The following ARMC8 variants were observed in gnomAD, a reference collection of about 807,000 sequenced individuals.
The protein encoded by ARMC8 is armadillo repeat containing 8.
A neutral mutation model predicts 99.3 loss-of-function variants in ARMC8; 20 were observed. That is an observed-to-expected ratio of 0.20 (90% CI 0.14 to 0.29). ARMC8 has a LOEUF of 0.29. Among genes scored for constraint, ARMC8 ranks in the 10% least tolerant of loss-of-function variants. The pLI, the probability that ARMC8 is intolerant of heterozygous loss-of-function variation, is 1.00. For missense variants in ARMC8, 569 were observed against 809.5 expected, an observed-to-expected ratio of 0.70 and a Z score of 3.60; for synonymous variants, 263 against 278.3, an observed-to-expected ratio of 0.95 and a Z score of 0.55.
intron 1 of ARMC8, among the ~76,000 whole-genome samples, chr3:138,192,036 G>A (rs1383352198): frequency 1.3e-5 from 2 of 152,136 alleles, no homozygotes; most frequent in African/African-American, 4.8e-5. Flanking sequence ...GGATCAGATG[G>A]TAAATGCATG....
chr3:138,214,268 A>G lies in ARMC8; in HGVS notation c.122+4375A>G, dbSNP rs2044878103. On this transcript the variant is annotated intron_variant, in intron 2 of 21. Coordinates refer to ENST00000469044, the MANE Select transcript of ARMC8 (RefSeq NM_001363941.2). ...CCAACGTAGCTAGCTTTGTAGTTTC[A>G]GAGTTTAATAGAATTAGAAAGCTTG... 2.0e-5 allele frequency among the ~76,000 whole-genome samples: 3 copies of G among 152,042 alleles called. No individual in the cohort carries two copies. In the South Asian group the frequency reaches 6.2e-4, roughly 32 times the overall value.
chr3:138,264,412 C>CTTTTTTTTTTTTT (rs11298899), intron 14 of ARMC8, among the ~76,000 whole-genome samples, 200 bp downstream of exon 14: 4 of 48,642 alleles, frequency 8.2e-5, no homozygotes, highest in African/African-American at 1.5e-4. Flanking sequence ...GATTTTCTTT[C>CTTTTTTTTTTTTT]TTTTTTTTTT....
At position 138,297,478 on chromosome 3, in the gene ARMC8, CA is replaced by C. The variant is rs1214935549; in HGVS notation, c.*1587del. ...CCACTGATGGAGCTCCAAGCCCACC[CA>C]CCAGCCACTCCTGATGGGGTTGCTC... On this transcript the variant is annotated 3_prime_UTR_variant, in exon 22 of 22. Transcript: ENST00000469044. The C allele has an allele frequency of 6.6e-6, 1 of 152,244 alleles. No individual in the cohort carries two copies. Among genetic ancestry groups the C allele is most frequent in the Non-Finnish European group, 1.5e-5 (1 of 68,064 alleles). The allele number at this position is 152,244 out of a possible 1,614,324, so 9.4% of individuals were successfully genotyped here.
At chr3:138,215,149 A>T (rs2044939917) in intron 2 of ARMC8, among the ~76,000 whole-genome samples, 1 of 152,182 alleles carries the variant, frequency 6.6e-6, no homozygotes, top group South Asian at 2.1e-4. Context: ...GTTTGTATAC[A>T]TATGTCTATG....
intron 12 of ARMC8, among the ~76,000 whole-genome samples, chr3:138,262,772 C>T (rs1338311485): frequency 6.6e-6 from 1 of 152,056 alleles, no homozygotes; most frequent in African/African-American, 2.4e-5. Context: ...GTGAGAGTAA[C>T]GACTCCCATT....
At chr3:138,290,856 G>A (rs990440834) in intron 21 of ARMC8, among the ~76,000 whole-genome samples, 9 of 152,198 alleles carry the variant, frequency 5.9e-5, no homozygotes, top group African/African-American at 1.9e-4. Context: ...GTGAATTCAC[G>A]TGAGTCTGGG....
chr3:138,262,662 T>C, intron 12 of ARMC8: 4 of 1,412,994 alleles, frequency 2.8e-6, no homozygotes, highest in Non-Finnish European at 3.8e-6. Flanking sequence ...ATTGGTCTGC[T>C]GTATGGCCTG....
chr3:138,200,241 A>G (rs967089097), intron 1 of ARMC8, among the ~76,000 whole-genome samples: 2 of 152,234 alleles, frequency 1.3e-5, no homozygotes, highest in Admixed American at 6.5e-5. Context: ...ACCAGAAGTA[A>G]TTAAGTAACG....
At chr3:138,289,443 G>T (rs1291062488) in intron 20 of ARMC8, among the ~76,000 whole-genome samples, 1 of 152,212 alleles carries the variant, frequency 6.6e-6, no homozygotes, top group Non-Finnish European at 1.5e-5. Context: ...GAGAGAGTGG[G>T]TGGGAGGATG....
intron 1 of ARMC8, among the ~76,000 whole-genome samples, chr3:138,189,779 C>G (rs2043273126): frequency 6.6e-6 from 1 of 152,186 alleles, no homozygotes; most frequent in African/African-American, 2.4e-5. Flanking sequence ...ATCTGCATTG[C>G]CAACCTTGAC....
chr3:138,255,652 T>G (rs1201994886), intron 12 of ARMC8, among the ~76,000 whole-genome samples: 1 of 152,198 alleles, frequency 6.6e-6, no homozygotes, highest in Admixed American at 6.5e-5. Context: ...CAGTGATCTG[T>G]TCTAAGAGAA....
At chr3:138,232,449 C>CT (rs2046101930) in intron 6 of ARMC8, among the ~76,000 whole-genome samples, 2 of 152,144 alleles carry the variant, frequency 1.3e-5, no homozygotes, top group South Asian at 4.1e-4. Flanking sequence ...TGTGCTTGAT[C>CT]TTTTCCCCAT....
intron 18 of ARMC8, among the ~76,000 whole-genome samples, chr3:138,281,990 A>G (rs908494169): frequency 6.6e-6 from 1 of 152,202 alleles, no homozygotes; most frequent in Non-Finnish European, 1.5e-5. Flanking sequence ...TCTTCTTGGT[A>G]AGAAATGGTG....
chr3:138,257,374 G>A (rs2047459903), intron 12 of ARMC8, among the ~76,000 whole-genome samples: 2 of 152,152 alleles, frequency 1.3e-5, no homozygotes, highest in South Asian at 2.1e-4. Context: ...TTTCCATGAT[G>A]TATATGGCAT....
At chr3:138,243,716 A>G (rs1313176935) in intron 11 of ARMC8, among the ~76,000 whole-genome samples, 1 of 152,102 alleles carries the variant, frequency 6.6e-6, no homozygotes, top group Admixed American at 6.5e-5. Flanking sequence ...ACCCAACTGA[A>G]TTTCTCCATC....
chr3:138,288,157 C>A (rs1577038312), intron 19 of ARMC8: 2 of 153,436 alleles, frequency 1.3e-5, no homozygotes, highest in Non-Finnish European at 2.9e-5. Context: ...TTGTTTTCAG[C>A]AAGTTGTGTC....
chr3:138,190,172 A>G lies in ARMC8; in HGVS notation c.45+2573A>G, dbSNP rs1010115525. 1.3e-4 allele frequency among the ~76,000 whole-genome samples: 20 copies of G among 152,198 alleles called. No homozygotes were observed. In the South Asian group the frequency reaches 4.1e-3, roughly 32 times the overall value. On this transcript the variant is annotated intron_variant, in intron 1 of 21. Coordinates refer to ENST00000469044, the MANE Select transcript of ARMC8 (RefSeq NM_001363941.2). ...TCCATGTCTACTTAAATTTTCCTAA[A>G]GAACTCTTCCTACAGCCGCTCCTCG...
At chr3:138,203,991 C>T (rs1284269988) in intron 1 of ARMC8, among the ~76,000 whole-genome samples, 1 of 152,178 alleles carries the variant, frequency 6.6e-6, no homozygotes, top group African/African-American at 2.4e-5. Flanking sequence ...GGTCCATTTT[C>T]CTGGCCCATT....
intron 6 of ARMC8, among the ~76,000 whole-genome samples, chr3:138,230,238 C>G: frequency 6.6e-6 from 1 of 152,152 alleles, no homozygotes; most frequent in East Asian, 1.9e-4. Flanking sequence ...TTTGTTGCAA[C>G]TCACTTGCTT....
Sources: allele counts gnomAD v4.1 joint callset (sites outside exome capture counted in the v4.1 genomes callset), GRCh38; gene constraint gnomAD v4.1.1; transcripts MANE v1.5; gene names NCBI Gene and HGNC (gene_info 2026-07-23, HGNC 2026-07-21).